The following LRRTM4 variants were observed in gnomAD, a reference collection of about 807,000 sequenced individuals.
LRRTM4 encodes leucine rich repeat transmembrane neuronal 4, also known as leucine-rich repeat transmembrane neuronal protein 4.
Under a neutral mutation model 47.6 loss-of-function variants are expected in LRRTM4, and 25 were observed. The ratio of observed to expected loss-of-function variants is 0.53; its 90% CI spans 0.38 to 0.73. The LOEUF (loss-of-function observed/expected upper bound fraction) is 0.73. Ranked by LOEUF, LRRTM4 falls within the 30% of genes least tolerant of loss-of-function variation. The pLI is 0.00. For missense variants in LRRTM4, 638 were observed against 713.4 expected (o/e 0.89, Z 1.20); for synonymous variants, 311 against 269.5 (o/e 1.15, Z -1.51).
intron 3 of LRRTM4, among the ~76,000 whole-genome samples, chr2:76,801,821 C>A (rs1177858865): frequency 6.6e-6 from 1 of 151,990 alleles, no homozygotes; most frequent in Non-Finnish European, 1.5e-5. Flanking sequence ...TGTCAACATA[C>A]CAAAATGTAT....
intron 3 of LRRTM4, among the ~76,000 whole-genome samples, chr2:77,064,074 T>C (rs946973718): frequency 3.9e-5 from 6 of 152,150 alleles, no homozygotes; most frequent in Non-Finnish European, 8.8e-5. Context: ...TGTTCCTTAT[T>C]TTTTTTAAAA....
intron 3 of LRRTM4, among the ~76,000 whole-genome samples, chr2:77,202,553 T>G (rs1674006789): frequency 6.6e-6 from 1 of 152,018 alleles, no homozygotes; most frequent in Non-Finnish European, 1.5e-5. Context: ...TGGATAATTT[T>G]TTTTTTTCCA....
At chr2:77,181,029 T>C (rs1447671565) in intron 3 of LRRTM4, among the ~76,000 whole-genome samples, 2 of 152,180 alleles carry the variant, frequency 1.3e-5, no homozygotes, top group Non-Finnish European at 2.9e-5. Context: ...CATTATAAAT[T>C]GAAACTATGG....
At chr2:77,487,241 C>A (rs1677953491) in intron 3 of LRRTM4, among the ~76,000 whole-genome samples, 1 of 152,188 alleles carries the variant, frequency 6.6e-6, no homozygotes, top group South Asian at 2.1e-4. Context: ...AGCCACCCAG[C>A]CCTGGTCGTG....
At position 77,011,531 on chromosome 2, in the gene LRRTM4, T is replaced by TTGCG. The variant is rs528405585; in HGVS notation, c.1552-262616_1552-262615insCGCA. On this transcript the variant is annotated intron_variant, in intron 3 of 3. Transcript: ENST00000409884. ...CAGACTGGCAACTAGGAAGAAGCAT[T>TTGCG]TGTGTGTGTGTGTGTGTGTGTGTGT... Among the ~76,000 whole-genome samples, 30 of 144,148 alleles carry TTGCG rather than the reference T, an allele frequency of 2.1e-4. No individual in the cohort carries two copies. The South Asian group carries it at 2.9e-3, about 14-fold the overall frequency. 94.6% of individuals were successfully genotyped at this position (144,148 alleles called of 152,430 possible). A position where few individuals can be genotyped will look rare whatever the true frequency, so the allele number is the denominator to read the frequency against.
rs541317817 is a variant in LRRTM4, at chr2:77,108,013, C to T, written c.1552-359097G>A. Among the ~76,000 whole-genome samples, 92 of 151,684 alleles carry T rather than the reference C, an allele frequency of 6.1e-4. 2 individuals are homozygous for T. The South Asian group carries it at 0.018, about 29-fold the overall frequency. On this transcript the variant is annotated intron_variant, in intron 3 of 3. Transcript: ENST00000409884. Reference sequence around the variant, plus strand: ...ATGTTCATGGCTGTGGAAGTATTTACATTTCAAAATTCATTAAAAAAACTG... The same window carrying T: ...ATGTTCATGGCTGTGGAAGTATTTATATTTCAAAATTCATTAAAAAAACTG...
At position 77,518,571 on chromosome 2, in the gene LRRTM4, A is replaced by C; in HGVS notation, c.1298T>G (p.Phe433Cys). The change falls in exon 3 of 4, where the codon TTT becomes TGT. Residue 433 changes from phenylalanine (F) to cysteine (C), a missense_variant. By Grantham distance (205) the Phe-to-Cys change is radical (BLOSUM62 -2). Coordinates refer to ENST00000409884, the MANE Select transcript of LRRTM4 (RefSeq NM_001134745.3). ...CAAGAGGATCATGGCCACTGAGAGA[A>C]AGAGAGCCACACTCCCGGCAATAAT... ...HKIIAGSVAL[F>C]LSVAMILLVI... 1.2e-6 allele frequency: 2 copies of C among 1,613,478 alleles called. No homozygotes were observed. Among genetic ancestry groups the C allele is most frequent in the Non-Finnish European group, 1.7e-6 (2 of 1,179,646 alleles).
At chr2:77,314,490 T>C (rs759082848) in intron 3 of LRRTM4, among the ~76,000 whole-genome samples, 32 of 152,222 alleles carry the variant, frequency 2.1e-4, no homozygotes, top group Non-Finnish European at 3.5e-4. Flanking sequence ...TCTTATCATA[T>C]TTACCGCTTT....
intron 3 of LRRTM4, among the ~76,000 whole-genome samples, chr2:77,055,169 A>G (rs1188406262): frequency 2.0e-5 from 3 of 151,456 alleles, no homozygotes; most frequent in Non-Finnish European, 4.4e-5. Context: ...TCCCTCTGCC[A>G]TGACAGCCTG....
intron 3 of LRRTM4, among the ~76,000 whole-genome samples, chr2:77,362,170 A>AAGAAAGGAAGGAAGG: frequency 7.5e-6 from 1 of 133,544 alleles, no homozygotes; most frequent in East Asian, 2.3e-4. Flanking sequence ...AGAAAGAAAG[A>AAGAAAGGAAGGAAGG]AAGGAAGGAA....
At chr2:77,078,338 T>G (rs1335160399) in intron 3 of LRRTM4, among the ~76,000 whole-genome samples, 1 of 151,440 alleles carries the variant, frequency 6.6e-6, no homozygotes, top group African/African-American at 2.4e-5. Flanking sequence ...CTAGGAAAGA[T>G]AATTTTATTG....
intron 3 of LRRTM4, among the ~76,000 whole-genome samples, chr2:76,764,941 G>A (rs1293360519): frequency 1.3e-5 from 2 of 152,176 alleles, no homozygotes; most frequent in Non-Finnish European, 2.9e-5. Flanking sequence ...GAGCCTTGGG[G>A]GCAGGACCCC....
chr2:76,862,026 A>G (rs1425318597), intron 3 of LRRTM4, among the ~76,000 whole-genome samples: 1 of 151,882 alleles, frequency 6.6e-6, no homozygotes, highest in African/African-American at 2.4e-5. Flanking sequence ...GCTTAGTACA[A>G]ATATATTTAT....
At chr2:76,828,893 A>G (rs745432961) in intron 3 of LRRTM4, among the ~76,000 whole-genome samples, 8 of 151,840 alleles carry the variant, frequency 5.3e-5, no homozygotes, top group Non-Finnish European at 8.8e-5. Flanking sequence ...TTAATCTCTG[A>G]TCCCTAATAA....
intron 3 of LRRTM4, among the ~76,000 whole-genome samples, chr2:77,437,618 G>T (rs1675654511): frequency 6.6e-6 from 1 of 152,010 alleles, no homozygotes; most frequent in Admixed American, 6.6e-5. Context: ...CTCTGCAAAA[G>T]TTATAAAGTG....
intron 3 of LRRTM4, among the ~76,000 whole-genome samples, chr2:77,070,801 T>C (rs1680128324): frequency 6.6e-6 from 1 of 152,120 alleles, no homozygotes; most frequent in South Asian, 2.1e-4. Flanking sequence ...CAGCTAATTT[T>C]TGTATTATTA....
At chr2:77,012,846 C>G (rs144168808) in intron 3 of LRRTM4, among the ~76,000 whole-genome samples, 2 of 152,244 alleles carry the variant, frequency 1.3e-5, no homozygotes, top group South Asian at 2.1e-4. Flanking sequence ...TAAGCCACCA[C>G]GGATATATAA....
intron 3 of LRRTM4, among the ~76,000 whole-genome samples, chr2:77,074,163 CTATT>C (rs1310933456): frequency 6.6e-6 from 1 of 152,154 alleles, no homozygotes; most frequent in African/African-American, 2.4e-5. Flanking sequence ...TCATCTGCAT[CTATT>C]TCTCATCTAA....
At chr2:76,977,828 T>C (rs1415279560) in intron 3 of LRRTM4, among the ~76,000 whole-genome samples, 1 of 152,028 alleles carries the variant, frequency 6.6e-6, no homozygotes, top group Non-Finnish European at 1.5e-5. Flanking sequence ...CAAAAAGCTA[T>C]TAGAAGAAAA....
Sources: allele counts gnomAD v4.1 joint callset (sites outside exome capture counted in the v4.1 genomes callset), GRCh38; gene constraint gnomAD v4.1.1; transcripts MANE v1.5; gene names NCBI Gene and HGNC (gene_info 2026-07-23, HGNC 2026-07-21).